MAST4: variants seen among roughly 807,000 people sequenced by gnomAD.
MAST4 encodes microtubule-associated serine/threonine-protein kinase 4.
MAST4 carries 89 observed loss-of-function variants against 162.7 expected under a neutral mutation model. The observed-to-expected ratio is 0.55, with a 90% CI of 0.46 to 0.65. The LOEUF (loss-of-function observed/expected upper bound fraction) is 0.65, where lower values mean the gene tolerates loss of function less well. Ranked by LOEUF, MAST4 falls within the 30% of genes least tolerant of loss-of-function variation. The pLI, the probability that MAST4 is intolerant of heterozygous loss-of-function variation, is 0.00. For synonymous variants in MAST4, 1,479 were observed against 1,361.1 expected (o/e 1.09, Z -1.91); for missense variants, 3,153 against 3,374.0 (o/e 0.93, Z 1.62).
chr5:67,168,785 T>C lies in MAST4; in HGVS notation c.*1734T>C, dbSNP rs1774316815. 1 of 152,182 alleles carries C rather than the reference T, an allele frequency of 6.6e-6. No individual in the cohort carries two copies. Among genetic ancestry groups the C allele is most frequent in the South Asian group, 2.1e-4 (1 of 4,824 alleles). The allele number at this position is 152,182 out of a possible 1,614,324, so 9.4% of individuals were successfully genotyped here. On this transcript the variant is annotated 3_prime_UTR_variant, in exon 29 of 29. Transcript: ENST00000403625. ...CAGCATCATCTTATGGCCTTATGGA[T>C]TGTAAATCTTCTAGTGAGGCTATAA... is the stretch of plus-strand genomic sequence containing the variant.
At chr5:66,758,537 T>C (rs1753682403) in intron 1 of MAST4, among the ~76,000 whole-genome samples, 1 of 152,132 alleles carries the variant, frequency 6.6e-6, no homozygotes, top group Non-Finnish European at 1.5e-5. Context: ...CTGCCTTGGC[T>C]TCCCAAAATG....
chr5:66,787,532 A>G (rs1455290877), intron 2 of MAST4, among the ~76,000 whole-genome samples: 1 of 152,238 alleles, frequency 6.6e-6, no homozygotes, highest in Non-Finnish European at 1.5e-5. Flanking sequence ...GTGTGCAGTA[A>G]TGGTAAACTA....
At chr5:66,910,740 TCTTTTTTTTTTTTTC>T (rs1170082256) in intron 4 of MAST4, among the ~76,000 whole-genome samples, 2 of 21,124 alleles carry the variant, frequency 9.5e-5, no homozygotes, top group Non-Finnish European at 3.1e-4. Context: ...TTTTTTTTTT[TCTTTTTTTTTTTTTC>T]TTTTTTTTTT....
chr5:66,699,587 G>A (rs1212660082), intron 1 of MAST4, among the ~76,000 whole-genome samples: 3 of 152,102 alleles, frequency 2.0e-5, no homozygotes, highest in Middle Eastern at 3.2e-3. Context: ...GCCATAAAAA[G>A]GAATGAGATC....
chr5:67,084,170 G>T (rs996310394), intron 5 of MAST4, among the ~76,000 whole-genome samples: 8 of 152,056 alleles, frequency 5.3e-5, no homozygotes, highest in African/African-American at 1.7e-4. Context: ...TCTCTTCCAC[G>T]CCCTACATGT....
intron 1 of MAST4, among the ~76,000 whole-genome samples, chr5:66,642,524 G>C (rs1410211596): frequency 6.6e-6 from 1 of 152,142 alleles, no homozygotes; most frequent in East Asian, 1.9e-4. Flanking sequence ...TGTTTAAAAA[G>C]AGTTATCTTT....
chr5:67,004,690 A>T (rs116778135), intron 4 of MAST4: 21 of 294,498 alleles, frequency 7.1e-5, no homozygotes, highest in Non-Finnish European at 1.3e-4. Flanking sequence ...GGCTCAACTC[A>T]TGTAATTACT....
chr5:66,954,568 G>T (rs528635099), intron 4 of MAST4, among the ~76,000 whole-genome samples: 50 of 152,286 alleles, frequency 3.3e-4, no homozygotes, highest in African/African-American at 1.2e-3. Context: ...GGGGAAGACA[G>T]ACAATAAATA....
chr5:67,133,793 T>G, intron 17 of MAST4, 147 bp downstream of exon 17: 1 of 884,052 alleles, frequency 1.1e-6, no homozygotes, highest in Non-Finnish European at 1.7e-6. Flanking sequence ...AAGTGCAAAT[T>G]GCTCCCATTT....
chr5:66,616,308 G>T lies in MAST4; in HGVS notation c.363+19290G>T, dbSNP rs559165035. 3.3e-5 allele frequency among the ~76,000 whole-genome samples: 5 copies of T among 152,152 alleles called. No individual in the cohort carries two copies. In the East Asian group the frequency reaches 9.7e-4, roughly 29 times the overall value. ...TCCCAAGCAGCCCCTACCAAGGTGA[G>T]CAGTTCAGAGTTGGATTCAGAGAAG... On this transcript the variant is annotated intron_variant, in intron 1 of 28. Coordinates refer to ENST00000403625, the MANE Select transcript of MAST4 (RefSeq NM_001164664.2).
chr5:66,673,295 T>C (rs1747723033), intron 1 of MAST4, among the ~76,000 whole-genome samples: 5 of 152,128 alleles, frequency 3.3e-5, no homozygotes, highest in Admixed American at 3.3e-4. Context: ...TTCTAAAGTT[T>C]CGTGTTATTA....
At chr5:66,801,146 A>G (rs1755898845) in intron 3 of MAST4, among the ~76,000 whole-genome samples, 1 of 152,170 alleles carries the variant, frequency 6.6e-6, no homozygotes, top group African/African-American at 2.4e-5. Context: ...ATGTAAATGT[A>G]TTTTAAAGTG....
intron 5 of MAST4, among the ~76,000 whole-genome samples, chr5:67,085,756 T>C (rs1190779453): frequency 7.9e-5 from 12 of 152,170 alleles, no homozygotes; most frequent in Non-Finnish European, 1.5e-4. Context: ...GTTTAATTAA[T>C]AGTCTACAAT....
chr5:67,094,166 G>T, intron 6 of MAST4: 1 of 1,497,654 alleles, frequency 6.7e-7, no homozygotes, highest in Non-Finnish European at 9.1e-7. Context: ...GAAATGACAG[G>T]TAAATTTTAC....
chr5:67,122,208 G>T (rs953435714), intron 14 of MAST4, among the ~76,000 whole-genome samples: 2 of 152,122 alleles, frequency 1.3e-5, no homozygotes, highest in Non-Finnish European at 2.9e-5. Context: ...TATATAAAGA[G>T]CAATAAACAA....
At chr5:67,065,580 T>C (rs970371322) in intron 5 of MAST4, among the ~76,000 whole-genome samples, 13 of 152,306 alleles carry the variant, frequency 8.5e-5, no homozygotes, top group African/African-American at 3.1e-4. Flanking sequence ...GACAGAAGGC[T>C]GAATGCTCAA....
intron 3 of MAST4, among the ~76,000 whole-genome samples, chr5:66,880,577 C>G (rs1761628352): frequency 6.6e-6 from 1 of 152,092 alleles, no homozygotes. Flanking sequence ...TCTAGCTTCC[C>G]CTTAACAATG....
chr5:67,162,771 C>T lies in MAST4; in HGVS notation c.3950C>T (p.Thr1317Ile), dbSNP rs752653445. ...PRSPTPSYRS[T>I]PDFPSGTNSS... ...TCTCCAACACCAAGCTACCGCTCCA[C>T]CCCTGACTTCCCATCTGGTGAGTGA... The change falls in exon 28 of 29, where the codon ACC becomes ATC. Residue 1317 changes from threonine to isoleucine, a missense_variant. By Grantham distance (89) the Thr-to-Ile change is moderately conservative. This residue lies in a region of MAST4 where 619 missense variants were observed against 744.2 expected (regional missense o/e 0.83). Coordinates refer to ENST00000403625, the MANE Select transcript of MAST4 (RefSeq NM_001164664.2). 2 of 1,613,720 alleles carry T rather than the reference C, an allele frequency of 1.2e-6. No individual in the cohort carries two copies. The highest frequency in any genetic ancestry group is 1.7e-6 in the Non-Finnish European group (2 of 1,179,846).
intron 4 of MAST4, among the ~76,000 whole-genome samples, chr5:66,967,970 GCCTCC>G: frequency 6.6e-6 from 1 of 152,110 alleles, no homozygotes; most frequent in African/African-American, 2.4e-5. Flanking sequence ...TGACATCAGT[GCCTCC>G]TGAGTAATAT....
Sources: allele counts gnomAD v4.1 joint callset (sites outside exome capture counted in the v4.1 genomes callset), GRCh38; gene constraint gnomAD v4.1.1; regional missense constraint gnomAD v4.1.1; transcripts MANE v1.5; gene names NCBI Gene and HGNC (gene_info 2026-07-23, HGNC 2026-07-21).